The following TDRD9 variants were observed in gnomAD, a reference collection of about 807,000 sequenced individuals.
TDRD9 encodes ATP-dependent RNA helicase TDRD9.
Under a neutral mutation model 172.6 loss-of-function variants are expected in TDRD9, and 124 were observed. The observed-to-expected ratio is 0.72, with a 90% confidence interval of 0.62 to 0.83. The LOEUF (loss-of-function observed/expected upper bound fraction) is 0.83, where lower values mean the gene tolerates loss of function less well. Ranked by LOEUF, TDRD9 falls within the 40% of genes least tolerant of loss-of-function variation. The pLI is 0.00. For missense variants in TDRD9, 1,479 were observed against 1,714.1 expected (o/e 0.86, Z 2.42); for synonymous variants, 619 against 617.1 (o/e 1.00, Z -0.05).
At chr14:103,941,044 T>C (rs773559421) in intron 1 of TDRD9, 23 of 1,535,302 alleles carry the variant, frequency 1.5e-5, no homozygotes, top group African/African-American at 4.1e-5. Flanking sequence ...CAGAACTTGC[T>C]TGAAGATGTA....
intron 20 of TDRD9, among the ~76,000 whole-genome samples, chr14:104,011,611 G>C (rs187307950): frequency 6.6e-6 from 1 of 152,228 alleles, no homozygotes; most frequent in East Asian, 1.9e-4. Context: ...AGTCATTTTT[G>C]ATGAGTTACG....
intron 3 of TDRD9, among the ~76,000 whole-genome samples, chr14:103,963,706 G>A (rs992470833): frequency 2.0e-5 from 3 of 152,180 alleles, no homozygotes; most frequent in Admixed American, 6.5e-5. Context: ...ATTAAGCATC[G>A]TTAAGAGTAA....
chr14:103,958,152 A>C (rs2032335503), intron 2 of TDRD9, among the ~76,000 whole-genome samples: 1 of 152,214 alleles, frequency 6.6e-6, no homozygotes. Context: ...CAGTTACACA[A>C]ATAAATGCTT....
At chr14:103,958,357 C>A (rs1191259319) in intron 2 of TDRD9, among the ~76,000 whole-genome samples, 2 of 151,998 alleles carry the variant, frequency 1.3e-5, no homozygotes, top group Non-Finnish European at 2.9e-5. Flanking sequence ...TATTCCAGCC[C>A]TGAAAGAGGG....
intron 1 of TDRD9, among the ~76,000 whole-genome samples, chr14:103,929,242 C>T (rs569735362): frequency 2.0e-5 from 3 of 151,162 alleles, no homozygotes; most frequent in East Asian, 2.0e-4. Flanking sequence ...CCCCACTGTT[C>T]CTGCCTCCCT....
intron 2 of TDRD9, among the ~76,000 whole-genome samples, chr14:103,959,490 A>G (rs201540080): frequency 2.0e-5 from 2 of 102,310 alleles, no homozygotes; most frequent in Non-Finnish European, 3.8e-5. Context: ...GTATGTATAC[A>G]TACACACACA....
chr14:103,961,801 G>C (rs2032524780), intron 2 of TDRD9, among the ~76,000 whole-genome samples: 1 of 152,110 alleles, frequency 6.6e-6, no homozygotes, highest in Admixed American at 6.6e-5. Context: ...TATTAGACCA[G>C]TTAGGAAAAT....
At position 103,994,384 on chromosome 14, in the gene TDRD9, A is replaced by C. The variant is rs750588774; in HGVS notation, c.1233A>C (p.Lys411Asn). The change falls in exon 10 of 36, where the codon AAA becomes AAC. Residue 411 changes from lysine to asparagine, a missense_variant and splice_region_variant. Transcript: ENST00000409874. ...MHELLTSLVH[K>N]RLQVYPLHSS... ...AACTTCTCACAAGCCTGGTTCATAA[A>C]AGGTATGTTGAAAATGATACAGCTG... 2.5e-6 allele frequency: 4 copies of C among 1,613,542 alleles called. No individual in the cohort carries two copies. In the Admixed American group the frequency reaches 6.7e-5, roughly 27 times the overall value.
At chr14:104,018,257 C>T (rs188217736) in intron 23 of TDRD9, 65 bp downstream of exon 23, 74 of 1,056,308 alleles carry the variant, frequency 7.0e-5, no homozygotes, top group East Asian at 4.9e-4. Context: ...TGTTTCCAGA[C>T]GCTGATTGTT....
intron 5 of TDRD9, 57 bp from the exon 6 acceptor site, chr14:103,970,484 A>G (rs2032970998): frequency 3.1e-6 from 4 of 1,270,006 alleles, no homozygotes; most frequent in Non-Finnish European, 3.4e-6. Context: ...TTCTGTCAGC[A>G]GTGTCATGTG....
chr14:104,037,412 T>C (rs113831073), intron 32 of TDRD9, among the ~76,000 whole-genome samples: 135 of 152,330 alleles, frequency 8.9e-4, no homozygotes, highest in African/African-American at 3.1e-3. Context: ...AACGCGAAGC[T>C]TGCAGTCTCT....
chr14:104,021,553 C>T (rs1038715564), intron 23 of TDRD9, among the ~76,000 whole-genome samples: 4 of 152,044 alleles, frequency 2.6e-5, no homozygotes, highest in East Asian at 1.9e-4. Flanking sequence ...ATTAGCTGGA[C>T]GTGGTGGCAC....
chr14:103,994,504 T>A lies in TDRD9; in HGVS notation c.1236-15T>A, dbSNP rs374582346. The A allele has an allele frequency of 6.8e-6, 11 of 1,612,268 alleles. No individual in the cohort carries two copies. The African/African-American group carries it at 1.2e-4, about 18-fold the overall frequency. On this transcript the variant is annotated splice_polypyrimidine_tract_variant and intron_variant, in intron 10 of 35. Transcript: ENST00000409874. The stretch of plus-strand genomic sequence containing the variant: ...ATCTATTCTTTATGGAGATTTTATT[T>A]TAGTAATTTCTTAGGTTGCAGGTCT...
At chr14:104,003,936 G>A (rs896100772) in intron 13 of TDRD9, among the ~76,000 whole-genome samples, 2 of 152,102 alleles carry the variant, frequency 1.3e-5, no homozygotes, top group African/African-American at 4.8e-5. Context: ...ATTGGGCCAA[G>A]GTTGTTTTCT....
At chr14:104,007,636 A>AT (rs1373244983) in intron 19 of TDRD9, among the ~76,000 whole-genome samples, 2 of 127,026 alleles carry the variant, frequency 1.6e-5, no homozygotes, top group Non-Finnish European at 3.3e-5. Flanking sequence ...CCTCCATTTT[A>AT]TTGTTTTTTT....
In TDRD9 at chr14:104,026,952, G is replaced by A. The variant is rs757623515; in HGVS notation, c.3282+13G>A. On this transcript the variant is annotated intron_variant, in intron 28 of 35. Transcript: ENST00000409874. ...CTACGAGTCCAAGGTGTGTGCTTTC[G>A]CCGTTGCTGGAGCACGCGTTTGTGT... is the stretch of plus-strand genomic sequence containing the variant. The A allele has an allele frequency of 1.4e-5, 22 of 1,609,990 alleles. No homozygotes were observed. Among genetic ancestry groups the A allele is most frequent in the South Asian group, 9.9e-5 (9 of 90,990 alleles).
rs1004770938 is a variant in TDRD9, at chr14:103,993,631, C to T, written c.1181-701C>T. Among the ~76,000 whole-genome samples the T allele has an allele frequency of 3.9e-5, 6 of 152,212 alleles. No homozygotes were observed. The East Asian group carries it at 1.2e-3, about 29-fold the overall frequency. ...GCCGTCAGTCCCTAGTGCTCCTTGA[C>T]CTGTGGCTACATCACTCCTGTCTCT... On this transcript the variant is annotated intron_variant, in intron 9 of 35. Transcript: ENST00000409874.
chr14:103,970,593 TC>T lies in TDRD9; in HGVS notation c.819del (p.Leu274Ter). On this transcript the variant is annotated frameshift_variant, in exon 6 of 36. Coordinates refer to ENST00000409874, the MANE Select transcript of TDRD9 (RefSeq NM_153046.3). LOFTEE classifies it high-confidence loss of function. ...MDFLLLVVRK[L>X]LRTNSRFVKV... ...TTCCTGCTATTGGTAGTCCGCAAAC[TC>T]TTAAGAACAAATTCACGTTTTGTGA... The T allele has an allele frequency of 6.4e-7, 1 of 1,551,526 alleles. No individual in the cohort carries two copies. The highest frequency in any genetic ancestry group is 8.7e-7 in the Non-Finnish European group (1 of 1,146,798).
intron 1 of TDRD9, among the ~76,000 whole-genome samples, chr14:103,931,872 A>G (rs76525222): frequency 0.023 from 3,484 of 152,302 alleles, 80 homozygotes; most frequent in East Asian, 0.071. Context: ...TTGAAATATC[A>G]TTGCTCGGAG....
Sources: allele counts gnomAD v4.1 joint callset (sites outside exome capture counted in the v4.1 genomes callset), GRCh38; gene constraint gnomAD v4.1.1; transcripts MANE v1.5; gene names NCBI Gene and HGNC (gene_info 2026-07-23, HGNC 2026-07-21).